The following CADPS variants were observed in gnomAD, a reference collection of about 807,000 sequenced individuals.
CADPS encodes calcium dependent secretion activator.
Under a neutral mutation model 167.3 loss-of-function variants are expected in CADPS, and 57 were observed. The ratio of observed to expected loss-of-function variants is 0.34; its 90% CI spans 0.28 to 0.42. CADPS has a LOEUF of 0.42. Among genes scored for constraint, CADPS ranks in the 20% least tolerant of loss-of-function variants. CADPS has a pLI of 1.00. For synonymous variants in CADPS, 676 were observed against 635.3 expected (o/e 1.06, Z -0.96); for missense variants, 1,414 against 1,738.1 (o/e 0.81, Z 3.32).
chr3:62,783,282 CTT>C (rs76514617), intron 1 of CADPS, among the ~76,000 whole-genome samples: 10 of 144,756 alleles, frequency 6.9e-5, no homozygotes, highest in Admixed American at 7.0e-5. Flanking sequence ...TGCACCTCAA[CTT>C]TTTTTTTTTT....
At chr3:62,678,201 A>G (rs1315653628) in intron 3 of CADPS, among the ~76,000 whole-genome samples, 1 of 151,996 alleles carries the variant, frequency 6.6e-6, no homozygotes, top group African/African-American at 2.4e-5. Context: ...CTTGATTTAA[A>G]AGCCTGAGAT....
chr3:62,481,891 A>G (rs1265974752), intron 21 of CADPS, 22 bp from the exon 22 acceptor site: 6 of 1,601,208 alleles, frequency 3.7e-6, no homozygotes, highest in African/African-American at 1.3e-5. Context: ...ACAGACAGAA[A>G]GAAAAAATAC....
chr3:62,558,580 T>G (rs1027748859), intron 9 of CADPS, among the ~76,000 whole-genome samples: 1 of 152,204 alleles, frequency 6.6e-6, no homozygotes, highest in Non-Finnish European at 1.5e-5. Context: ...ACATTTTTAG[T>G]CTCTTCTATA....
At chr3:62,712,348 C>G (rs1390714129) in intron 3 of CADPS, among the ~76,000 whole-genome samples, 1 of 152,162 alleles carries the variant, frequency 6.6e-6, no homozygotes, top group Non-Finnish European at 1.5e-5. Context: ...CCCCTGCACC[C>G]TTGCTAACAC....
intron 1 of CADPS, among the ~76,000 whole-genome samples, chr3:62,847,293 T>TA (rs1275446620): frequency 6.7e-6 from 1 of 149,858 alleles, no homozygotes; most frequent in Non-Finnish European, 1.5e-5. Context: ...TTTTTTTTTT[T>TA]ATACTTTAAG....
chr3:62,688,164 G>A (rs992893300), intron 3 of CADPS, among the ~76,000 whole-genome samples: 3 of 151,964 alleles, frequency 2.0e-5, no homozygotes, highest in Non-Finnish European at 4.4e-5. Flanking sequence ...TGCAGGGCCT[G>A]TCCTATTCAT....
intron 3 of CADPS, among the ~76,000 whole-genome samples, chr3:62,682,052 G>A (rs758923779): frequency 2.6e-5 from 4 of 152,040 alleles, no homozygotes; most frequent in Non-Finnish European, 5.9e-5. Context: ...TTCAAAGGCA[G>A]TAAGAAAATA....
chr3:62,696,779 G>A (rs542565345), intron 3 of CADPS, among the ~76,000 whole-genome samples: 1 of 152,116 alleles, frequency 6.6e-6, no homozygotes, highest in Non-Finnish European at 1.5e-5. Flanking sequence ...GATCCAGTAA[G>A]GCATCCTCAT....
chr3:62,712,443 C>T (rs1422633820), intron 3 of CADPS, among the ~76,000 whole-genome samples: 1 of 152,170 alleles, frequency 6.6e-6, no homozygotes, highest in Admixed American at 6.5e-5. Context: ...TTTGTGTACT[C>T]ACAATGTTGA....
intron 1 of CADPS, among the ~76,000 whole-genome samples, chr3:62,857,750 T>C (rs933297411): frequency 6.6e-6 from 1 of 152,038 alleles, no homozygotes; most frequent in Admixed American, 6.6e-5. Flanking sequence ...GGTGACTTTT[T>C]AAAATTTTTA....
intron 7 of CADPS, among the ~76,000 whole-genome samples, chr3:62,588,973 C>T (rs187674612): frequency 6.6e-6 from 1 of 152,074 alleles, no homozygotes; most frequent in Non-Finnish European, 1.5e-5. Flanking sequence ...AAATTGAAAA[C>T]AAAATCTTTC....
In CADPS at chr3:62,420,064, G is replaced by C. The variant is rs1482660383; in HGVS notation, c.3778-16879C>G. Reference sequence around the variant, plus strand: ...ATTACTCTCAACATACAAAAGCATGGTCTATGTATGTACATAATTTCCAGG... The same window carrying C: ...ATTACTCTCAACATACAAAAGCATGCTCTATGTATGTACATAATTTCCAGG... On this transcript the variant is annotated intron_variant, in intron 28 of 29. Coordinates refer to ENST00000383710, the MANE Select transcript of CADPS (RefSeq NM_003716.4). This position sits in a 1 kb window ranked among gnomAD's most constrained non-coding sequence, Gnocchi z 4.1. Among the ~76,000 whole-genome samples, 1 of 152,124 alleles carries C rather than the reference G, an allele frequency of 6.6e-6. No homozygotes were observed. The highest frequency in any genetic ancestry group is 1.9e-4 in the East Asian group (1 of 5,192).
intron 28 of CADPS, among the ~76,000 whole-genome samples, chr3:62,414,282 A>G (rs1460455497): frequency 6.6e-6 from 1 of 152,166 alleles, no homozygotes; most frequent in African/African-American, 2.4e-5. Context: ...AGCAATACTC[A>G]GCCCTGAGAC....
At chr3:62,661,434 C>A (rs2073177146) in intron 4 of CADPS, among the ~76,000 whole-genome samples, 1 of 152,078 alleles carries the variant, frequency 6.6e-6, no homozygotes. Context: ...TATAAAGACA[C>A]CAAGCCTGGA....
intron 1 of CADPS, among the ~76,000 whole-genome samples, chr3:62,781,253 A>T (rs1213011554): frequency 6.6e-6 from 1 of 152,188 alleles, no homozygotes; most frequent in Non-Finnish European, 1.5e-5. Flanking sequence ...CAGCAGACAA[A>T]GCCACCAGCC....
intron 1 of CADPS, among the ~76,000 whole-genome samples, chr3:62,809,523 T>G (rs2094292138): frequency 6.6e-6 from 1 of 152,190 alleles, no homozygotes; most frequent in East Asian, 1.9e-4. Flanking sequence ...TGTTTCCTTT[T>G]GTTGTTCAGG....
At chr3:62,672,747 C>T (rs1005659714) in intron 3 of CADPS, among the ~76,000 whole-genome samples, 1 of 152,162 alleles carries the variant, frequency 6.6e-6, no homozygotes, top group Non-Finnish European at 1.5e-5. Context: ...CCACAGCCTC[C>T]TGACTAGCTG....
chr3:62,865,516 A>G (rs943342689), intron 1 of CADPS, among the ~76,000 whole-genome samples: 1 of 152,140 alleles, frequency 6.6e-6, no homozygotes, highest in Non-Finnish European at 1.5e-5. Flanking sequence ...AGACATCAAT[A>G]TATTATCAAT....
At chr3:62,645,066 C>T (rs1466165445) in intron 6 of CADPS, among the ~76,000 whole-genome samples, 1 of 152,124 alleles carries the variant, frequency 6.6e-6, no homozygotes, top group Admixed American at 6.5e-5. Flanking sequence ...CTTGCTAATA[C>T]ATTCAGAACT....
Sources: gnomAD v4.1 joint callset for allele counts (sites outside exome capture counted in the v4.1 genomes callset) on GRCh38, gnomAD v4.1.1 for gene constraint, Gnocchi (gnomAD v3.1) non-coding constraint, MANE v1.5 for transcripts, NCBI Gene and HGNC (gene_info 2026-07-23, HGNC 2026-07-21) for gene names.